The following TMEM63C variants were observed in gnomAD, a reference collection of about 807,000 sequenced individuals.
TMEM63C encodes the protein transmembrane protein 63C.
In TMEM63C, 32 loss-of-function variants were observed where a neutral mutation model predicts 99.2. That is an observed-to-expected ratio of 0.32 (90% CI 0.24 to 0.43). The LOEUF (loss-of-function observed/expected upper bound fraction) is 0.43. Among genes scored for constraint, TMEM63C ranks in the 20% least tolerant of loss-of-function variants. TMEM63C has a pLI of 1.00. For synonymous variants in TMEM63C, 376 were observed against 397.9 expected, an observed-to-expected ratio of 0.94 and a Z score of 0.66; for missense variants, 826 against 1,053.0, an observed-to-expected ratio of 0.78 and a Z score of 2.98.
intron 21 of TMEM63C, among the ~76,000 whole-genome samples, chr14:77,250,967 C>T (rs554278786): frequency 4.9e-4 from 74 of 152,168 alleles, no homozygotes; most frequent in Non-Finnish European, 8.5e-4. Context: ...TCCAGGCATG[C>T]GCTTTGGGGC....
intron 1 of TMEM63C, among the ~76,000 whole-genome samples, chr14:77,192,692 T>G (rs951294688): frequency 1.1e-4 from 16 of 151,812 alleles, no homozygotes; most frequent in African/African-American, 3.9e-4. Context: ...AGCCCAGGAG[T>G]TCAAGGCTGC....
At chr14:77,231,484 T>C (rs1888939627) in intron 6 of TMEM63C, 104 bp from the exon 7 acceptor site, 4 of 1,274,732 alleles carry the variant, frequency 3.1e-6, no homozygotes, top group South Asian at 1.5e-5. Context: ...AAAAAAAAAC[T>C]TGGGGAGGGG....
intron 16 of TMEM63C, among the ~76,000 whole-genome samples, chr14:77,245,221 A>G (rs954517448): frequency 1.3e-5 from 2 of 152,216 alleles, no homozygotes; most frequent in Admixed American, 1.3e-4. Context: ...CAGAGACATC[A>G]ACTATATGGC....
chr14:77,218,028 G>T (rs532937566), intron 2 of TMEM63C, among the ~76,000 whole-genome samples: 17 of 152,212 alleles, frequency 1.1e-4, no homozygotes, highest in African/African-American at 4.1e-4. Flanking sequence ...GCACAACAGG[G>T]TGACTATAGT....
Position 77,218,781 on chromosome 14 carries a change from G to C in TMEM63C, c.-13-20G>C. The C allele has an allele frequency of 6.2e-7, 1 of 1,611,290 alleles. No homozygotes were observed. The highest frequency in any genetic ancestry group is 1.1e-5 in the South Asian group (1 of 90,400). ...GCAAGGGAGTCTTTGCATCTGACCT[G>C]GATGCCCTCTGTTTCCCAGGGATCC... On this transcript the variant is annotated intron_variant, in intron 2 of 23. Transcript: ENST00000298351.
chr14:77,251,724 C>T, intron 21 of TMEM63C, 65 bp from the exon 22 acceptor site: 1 of 1,341,758 alleles, frequency 7.5e-7, no homozygotes. Context: ...TCCCTGGCAT[C>T]TGCCAGTTGG....
At chr14:77,227,873 TG>T (rs1006778878) in intron 6 of TMEM63C, among the ~76,000 whole-genome samples, 3 of 151,918 alleles carry the variant, frequency 2.0e-5, no homozygotes, top group African/African-American at 7.3e-5. Flanking sequence ...CAGAGGTGCA[TG>T]GAAGGAGGGA....
intron 23 of TMEM63C, among the ~76,000 whole-genome samples, chr14:77,254,235 GGAAAT>G (rs1424892694): frequency 6.6e-6 from 1 of 152,214 alleles, no homozygotes; most frequent in Admixed American, 6.5e-5. Flanking sequence ...TCGGCACGGT[GGAAAT>G]GCGGAGTGGG....
chr14:77,219,101 C>T (rs1888644746), intron 3 of TMEM63C, 138 bp downstream of exon 3: 14 of 1,005,780 alleles, frequency 1.4e-5, no homozygotes, highest in Non-Finnish European at 1.8e-5. Flanking sequence ...GTCAGTCCTG[C>T]CTAGGGTGGC....
At chr14:77,242,851 G>C (rs1889202868) in intron 14 of TMEM63C, 52 bp from the exon 15 acceptor site, 2 of 1,607,224 alleles carry the variant, frequency 1.2e-6, no homozygotes, top group Non-Finnish European at 8.5e-7. Context: ...CAGCACGTGG[G>C]CTCTAAGAAC....
At chr14:77,185,759 G>T (rs1887983918) in intron 1 of TMEM63C, among the ~76,000 whole-genome samples, 1 of 152,120 alleles carries the variant, frequency 6.6e-6, no homozygotes, top group Non-Finnish European at 1.5e-5. Context: ...CACGCTGCCT[G>T]GGGGAGTACT....
intron 21 of TMEM63C, 128 bp downstream of exon 21, chr14:77,249,586 C>T (rs1889323440): frequency 9.9e-7 from 1 of 1,013,214 alleles, no homozygotes; most frequent in Non-Finnish European, 1.4e-6. Flanking sequence ...GACCTGGCCA[C>T]ACCCAGTGAC....
intron 23 of TMEM63C, among the ~76,000 whole-genome samples, chr14:77,253,683 A>AG (rs538692776): frequency 7.9e-5 from 12 of 152,344 alleles, no homozygotes; most frequent in East Asian, 7.7e-4. Flanking sequence ...ATGTAGACGC[A>AG]GGGGGGCCTG....
At chr14:77,205,309 AG>A (rs1888377168) in intron 1 of TMEM63C, among the ~76,000 whole-genome samples, 2 of 152,208 alleles carry the variant, frequency 1.3e-5, no homozygotes, top group Admixed American at 6.5e-5. Context: ...CTGGTCCAGG[AG>A]GCCTCCCCAG....
intron 1 of TMEM63C, among the ~76,000 whole-genome samples, chr14:77,205,599 C>T (rs893811754): frequency 9.2e-5 from 14 of 152,256 alleles, no homozygotes; most frequent in Middle Eastern, 3.4e-3. Flanking sequence ...GGAGCATTCC[C>T]GTTGGGGGAG....
At chr14:77,232,350 C>T (rs1286689344) in intron 7 of TMEM63C, among the ~76,000 whole-genome samples, 3 of 152,074 alleles carry the variant, frequency 2.0e-5, no homozygotes, top group Admixed American at 6.5e-5. Flanking sequence ...TGCAATGGCG[C>T]GATCTCAGCT....
chr14:77,230,312 C>G (rs1342303715), intron 6 of TMEM63C, among the ~76,000 whole-genome samples: 1 of 152,170 alleles, frequency 6.6e-6, no homozygotes, highest in East Asian at 1.9e-4. Context: ...TTCCTGTCCC[C>G]CAACCTTCAT....
intron 1 of TMEM63C, among the ~76,000 whole-genome samples, chr14:77,201,520 G>T (rs1176897300): frequency 6.6e-6 from 1 of 152,140 alleles, no homozygotes; most frequent in Non-Finnish European, 1.5e-5. Context: ...CCTGTTCTAT[G>T]GTCTAGGATA....
At position 77,219,595 on chromosome 14, in the gene TMEM63C, T is replaced by A. The variant is rs1219351830; in HGVS notation, c.230+18T>A. The A allele has an allele frequency of 6.2e-7, 1 of 1,613,358 alleles. No individual in the cohort carries two copies. Among genetic ancestry groups the A allele is most frequent in the Non-Finnish European group, 8.5e-7 (1 of 1,179,560 alleles). ...AATGACAGGTGAGGAGGGGTCGAGA[T>A]GGGTGAGCCGTTGCCCCCTTGGGGA... On this transcript the variant is annotated intron_variant, in intron 4 of 23. Transcript: ENST00000298351.
Sources: allele counts gnomAD v4.1 joint callset (sites outside exome capture counted in the v4.1 genomes callset), GRCh38; gene constraint gnomAD v4.1.1; transcripts MANE v1.5; gene names NCBI Gene and HGNC (gene_info 2026-07-23, HGNC 2026-07-21).